The following DPP8 variants were observed in gnomAD, a reference collection of about 807,000 sequenced individuals.
DPP8 encodes dipeptidyl peptidase 8, also known as DPP VIII.
In DPP8, 31 loss-of-function variants were observed where a neutral mutation model predicts 107.5. The observed-to-expected ratio is 0.29, with a 90% CI of 0.22 to 0.39. DPP8 has a LOEUF of 0.39. Among genes scored for constraint, DPP8 ranks in the 10% least tolerant of loss-of-function variants. The pLI, the probability that DPP8 is intolerant of heterozygous loss-of-function variation, is 1.00. For missense variants in DPP8, 842 were observed against 1,076.1 expected (o/e 0.78, Z 3.04); for synonymous variants, 381 against 356.6 (o/e 1.07, Z -0.77).
intron 14 of DPP8, 27 bp downstream of exon 14, chr15:65,466,651 G>C (rs376166956): frequency 4.8e-5 from 77 of 1,600,372 alleles, no homozygotes; most frequent in Admixed American, 1.3e-4. Flanking sequence ...CCTACTTAAC[G>C]TCAGGATCAG....
At chr15:65,498,062 G>A (rs1262985206) in intron 4 of DPP8, 30 bp from the exon 5 acceptor site, 12 of 1,519,254 alleles carry the variant, frequency 7.9e-6, no homozygotes, top group Non-Finnish European at 1.1e-5. Context: ...TTTAAGGTAA[G>A]TATTAGGCTG....
At chr15:65,463,655 G>T in intron 15 of DPP8, 106 bp downstream of exon 15, 1 of 952,554 alleles carries the variant, frequency 1.0e-6, no homozygotes, top group Non-Finnish European at 1.5e-6. Flanking sequence ...AAAAGCAAAT[G>T]CCCAACAATG....
chr15:65,480,186 G>A (rs369097222), intron 10 of DPP8, 36 bp downstream of exon 10: 38 of 1,567,996 alleles, frequency 2.4e-5, no homozygotes, highest in Non-Finnish European at 3.2e-5. Flanking sequence ...AGCATTCTGA[G>A]AAAATATTTA....
chr15:65,514,941 T>C (rs1392844379), intron 1 of DPP8, among the ~76,000 whole-genome samples: 1 of 152,204 alleles, frequency 6.6e-6, no homozygotes, highest in Non-Finnish European at 1.5e-5. Flanking sequence ...CTTGCAAGAA[T>C]AGGGCTGGGG....
rs2063380674 is a variant in DPP8, at chr15:65,443,658, C to T, written c.*3226G>A. ...AATCTCCAGACAAAGGGGATAGAAA[C>T]AAAGTAAACAACATCTCCTGCTGCT... On this transcript the variant is annotated 3_prime_UTR_variant, in exon 20 of 20. Coordinates refer to ENST00000300141, the MANE Select transcript of DPP8 (RefSeq NM_130434.5). The T allele has an allele frequency of 6.6e-6, 1 of 152,102 alleles. No homozygotes were observed. Among genetic ancestry groups the T allele is most frequent in the Non-Finnish European group, 1.5e-5 (1 of 68,006 alleles). The allele number at this position is 152,102 out of a possible 1,614,324, so 9.4% of individuals were successfully genotyped here. A position where few individuals can be genotyped will look rare whatever the true frequency, so the allele number is the denominator to read the frequency against.
At chr15:65,489,368 A>T (rs180879738) in intron 6 of DPP8, among the ~76,000 whole-genome samples, 227 of 151,676 alleles carry the variant, frequency 1.5e-3, no homozygotes, top group Middle Eastern at 6.9e-3. Flanking sequence ...TTAAACCACA[A>T]TACAATGGTT....
rs114949851 is a variant in DPP8 at position 65,507,441 on chromosome 15, T to C, written c.260-86A>G. 3.1e-3 allele frequency: 2,350 copies of C among 766,592 alleles called. 35 individuals are homozygous for C. In the African/African-American group the frequency reaches 0.036, roughly 12 times the overall value. 47.5% of individuals were successfully genotyped at this position (766,592 alleles called of 1,614,324 possible). The stretch of plus-strand genomic sequence containing the variant: ...AGTTGCAAGTACATAATGCCTTCTA[T>C]ACACTGCAATATTTTGCACTCTATG... On this transcript the variant is annotated intron_variant, in intron 2 of 19. Transcript: ENST00000300141.
chr15:65,472,945 G>A (rs1351921042), intron 12 of DPP8, among the ~76,000 whole-genome samples: 3 of 152,114 alleles, frequency 2.0e-5, no homozygotes, highest in Non-Finnish European at 4.4e-5. Flanking sequence ...GGCTGAGGTG[G>A]GAGGAAGGCT....
At chr15:65,471,109 T>C (rs1014019052) in intron 12 of DPP8, among the ~76,000 whole-genome samples, 1 of 152,206 alleles carries the variant, frequency 6.6e-6, no homozygotes, top group African/African-American at 2.4e-5. Flanking sequence ...TGACTCATCC[T>C]TCAATCATCA....
At chr15:65,511,064 A>G (rs1193389228) in intron 2 of DPP8, among the ~76,000 whole-genome samples, 1 of 152,194 alleles carries the variant, frequency 6.6e-6, no homozygotes, top group Non-Finnish European at 1.5e-5. Context: ...ATCAATCAAA[A>G]TTCAAAATAT....
intron 3 of DPP8, among the ~76,000 whole-genome samples, chr15:65,501,079 G>A (rs1025469244): frequency 3.3e-5 from 5 of 151,798 alleles, no homozygotes; most frequent in Admixed American, 3.3e-4. Flanking sequence ...GGGTTTCACC[G>A]TGTTAGCCAG....
chr15:65,476,083 G>A (rs1185789044), intron 11 of DPP8, among the ~76,000 whole-genome samples: 2 of 152,172 alleles, frequency 1.3e-5, no homozygotes, highest in East Asian at 1.9e-4. Flanking sequence ...CTGTCTTGAT[G>A]AGGCTCTCTC....
intron 11 of DPP8, among the ~76,000 whole-genome samples, chr15:65,476,987 T>C (rs889182732): frequency 6.6e-6 from 1 of 151,324 alleles, no homozygotes; most frequent in African/African-American, 2.4e-5. Context: ...ACATCTAGAG[T>C]AGTTACATTC....
At position 65,454,420 on chromosome 15, in the gene DPP8, C is replaced by CA. The variant is rs755760929; in HGVS notation, c.2119-6dup. On this transcript the variant is annotated splice_polypyrimidine_tract_variant and splice_region_variant and intron_variant, in intron 16 of 19. Transcript: ENST00000300141. ...ATCGTCAATTTCTATTTGACCCTGT[C>CA]AAAAAAGGGAGAACATTTCACTGAT... 5.1e-6 allele frequency: 8 copies of CA among 1,580,100 alleles called. No individual in the cohort carries two copies. Among genetic ancestry groups the CA allele is most frequent in the South Asian group, 4.8e-5 (4 of 83,668 alleles).
intron 5 of DPP8, among the ~76,000 whole-genome samples, chr15:65,491,438 T>C (rs1047839329): frequency 2.6e-5 from 4 of 152,186 alleles, no homozygotes; most frequent in Admixed American, 2.6e-4. Flanking sequence ...TATCGCCACT[T>C]ACACTTCCAG....
chr15:65,516,021 C>T (rs1051466313), intron 1 of DPP8: 1 of 405,344 alleles, frequency 2.5e-6, no homozygotes, highest in African/African-American at 2.1e-5. Flanking sequence ...AATATCCTAA[C>T]ATAGCAAACT....
intron 15 of DPP8, among the ~76,000 whole-genome samples, chr15:65,459,772 T>G (rs2064757809): frequency 6.6e-6 from 1 of 152,046 alleles, no homozygotes. Context: ...TTGGCCAACA[T>G]GGTGAAACCC....
chr15:65,448,762 GAAATATACATATATATCTA>G (rs1567124539), intron 19 of DPP8, among the ~76,000 whole-genome samples: 1 of 104,146 alleles, frequency 9.6e-6, no homozygotes, highest in African/African-American at 4.3e-5. Context: ...ATATATATCT[GAAATATACATATATATCTA>G]AAATATACAT....
At chr15:65,491,414 T>A (rs1395620773) in intron 5 of DPP8, among the ~76,000 whole-genome samples, 1 of 152,192 alleles carries the variant, frequency 6.6e-6, no homozygotes, top group East Asian at 1.9e-4. Flanking sequence ...CATATACTTG[T>A]ATGACCACAT....
Sources: allele counts gnomAD v4.1 joint callset (sites outside exome capture counted in the v4.1 genomes callset), GRCh38; gene constraint gnomAD v4.1.1; transcripts MANE v1.5; gene names NCBI Gene and HGNC (gene_info 2026-07-23, HGNC 2026-07-21).